The following MECOM variants were observed in gnomAD, a reference collection of about 807,000 sequenced individuals.
MECOM encodes MDS1 and EVI1 complex locus.
MECOM carries 13 observed loss-of-function variants against 116.3 expected under a neutral mutation model. The observed-to-expected ratio is 0.11, with a 90% CI of 0.07 to 0.18. The LOEUF (loss-of-function observed/expected upper bound fraction) is 0.18. Ranked by LOEUF, MECOM falls within the 10% of genes least tolerant of loss-of-function variation. The pLI, the probability that MECOM is intolerant of heterozygous loss-of-function variation, is 1.00. For missense variants in MECOM, 1,299 were observed against 1,509.0 expected (o/e 0.86, Z 2.31); for synonymous variants, 528 against 535.2 (o/e 0.99, Z 0.19).
At chr3:169,577,582 C>G (rs896319729) in intron 1 of MECOM, among the ~76,000 whole-genome samples, 2 of 151,900 alleles carry the variant, frequency 1.3e-5, no homozygotes, top group African/African-American at 4.8e-5. Context: ...AAAGACCAGA[C>G]TCATAGTGTT....
At chr3:169,137,279 T>C (rs1476497567) in intron 3 of MECOM, among the ~76,000 whole-genome samples, 3 of 152,084 alleles carry the variant, frequency 2.0e-5, no homozygotes, top group Non-Finnish European at 4.4e-5. Flanking sequence ...TGCAGAGAGG[T>C]GGCATCAAGT....
chr3:169,148,371 C>A (rs969255711), intron 2 of MECOM, among the ~76,000 whole-genome samples: 2 of 151,934 alleles, frequency 1.3e-5, no homozygotes, highest in Admixed American at 6.6e-5. Flanking sequence ...TTCTAATATA[C>A]CTTGGGTACA....
At chr3:169,092,574 C>T (rs1720089031) in intron 14 of MECOM, among the ~76,000 whole-genome samples, 1 of 151,976 alleles carries the variant, frequency 6.6e-6, no homozygotes, top group Non-Finnish European at 1.5e-5. Context: ...TTCTCTTCTA[C>T]TTCTGAAATT....
chr3:169,505,228 T>A, intron 1 of MECOM, among the ~76,000 whole-genome samples: 1 of 142,766 alleles, frequency 7.0e-6, no homozygotes, highest in East Asian at 2.0e-4. Flanking sequence ...TTATCCAAAG[T>A]ATATCATACC....
rs1434115763 is a variant in MECOM at position 169,263,131 on chromosome 3, T to G, written c.375+118056A>C. On this transcript the variant is annotated intron_variant, in intron 2 of 16. Transcript: ENST00000651503. ...TATATATATATATATATATATATGTTTTTTTTTTTTTTTTTGAGACAGAGT... is the reference window on the plus strand; with the variant it reads ...TATATATATATATATATATATATGTGTTTTTTTTTTTTTTTGAGACAGAGT... Among the ~76,000 whole-genome samples, 5 of 107,520 alleles carry G rather than the reference T, an allele frequency of 4.7e-5. No individual in the cohort carries two copies. The South Asian group carries it at 1.6e-3, about 34-fold the overall frequency. The allele number at this position is 107,520 out of a possible 152,430, so 70.5% of individuals were successfully genotyped here. A position where few individuals can be genotyped will look rare whatever the true frequency, so the allele number is the denominator to read the frequency against.
At chr3:169,258,174 C>A (rs1314254617) in intron 2 of MECOM, among the ~76,000 whole-genome samples, 3 of 151,910 alleles carry the variant, frequency 2.0e-5, no homozygotes, top group Non-Finnish European at 4.4e-5. Flanking sequence ...GAGCCAAGAT[C>A]GCGCCACTGC....
At chr3:169,484,878 C>CAACT (rs10645702) in intron 1 of MECOM, among the ~76,000 whole-genome samples, 139,902 of 152,172 alleles carry the variant, frequency 0.92, 64,410 homozygotes, top group African/African-American at 0.96. Flanking sequence ...AAGCAAGCAC[C>CAACT]GAGACTGATT....
At chr3:169,612,616 G>A (rs1769426394) in intron 1 of MECOM, among the ~76,000 whole-genome samples, 1 of 151,808 alleles carries the variant, frequency 6.6e-6, no homozygotes, top group Non-Finnish European at 1.5e-5. Context: ...GAAGCCTGGG[G>A]GCCCTTTTTT....
At chr3:169,216,054 G>T (rs936395780) in intron 2 of MECOM, among the ~76,000 whole-genome samples, 1 of 152,164 alleles carries the variant, frequency 6.6e-6, no homozygotes, top group African/African-American at 2.4e-5. Context: ...TTTAGCATTT[G>T]CCATGAGTCG....
At chr3:169,249,037 C>T (rs76324967) in intron 2 of MECOM, among the ~76,000 whole-genome samples, 2,584 of 152,280 alleles carry the variant, frequency 0.017, 40 homozygotes, top group Non-Finnish European at 0.021. Flanking sequence ...CACCCAAATG[C>T]CCTACCTTCC....
At chr3:169,599,559 T>C (rs998349360) in intron 1 of MECOM, among the ~76,000 whole-genome samples, 2 of 149,396 alleles carry the variant, frequency 1.3e-5, no homozygotes, top group African/African-American at 4.9e-5. Context: ...AAAAACTACA[T>C]AGTGAAAGTC....
intron 1 of MECOM, among the ~76,000 whole-genome samples, chr3:169,412,968 G>A (rs1173657804): frequency 6.6e-6 from 1 of 152,240 alleles, no homozygotes; most frequent in African/African-American, 2.4e-5. Context: ...GATAACACCA[G>A]TGACTTTAAC....
chr3:169,656,656 T>G (rs1442429580), intron 1 of MECOM, among the ~76,000 whole-genome samples: 1 of 152,234 alleles, frequency 6.6e-6, no homozygotes, highest in Non-Finnish European at 1.5e-5. Context: ...AGGGTTTGCA[T>G]GGGTTGATGG....
chr3:169,175,634 G>A (rs771729950), intron 2 of MECOM, among the ~76,000 whole-genome samples: 19 of 152,110 alleles, frequency 1.2e-4, no homozygotes, highest in Non-Finnish European at 2.1e-4. Context: ...CTGAAGAAAC[G>A]GAAAGGTCCC....
intron 2 of MECOM, among the ~76,000 whole-genome samples, chr3:169,331,587 T>C (rs892284420): frequency 1.3e-5 from 2 of 152,132 alleles, no homozygotes; most frequent in African/African-American, 4.8e-5. Context: ...GTTTCATAAG[T>C]GTCATAACAC....
At chr3:169,128,696 C>A (rs1185291264) in intron 4 of MECOM, among the ~76,000 whole-genome samples, 1 of 152,080 alleles carries the variant, frequency 6.6e-6, no homozygotes, top group Non-Finnish European at 1.5e-5. Flanking sequence ...TTTTTAGTAC[C>A]CTTCTAGGCT....
At chr3:169,234,011 T>C (rs1753726324) in intron 2 of MECOM, among the ~76,000 whole-genome samples, 1 of 152,200 alleles carries the variant, frequency 6.6e-6, no homozygotes, top group East Asian at 1.9e-4. Flanking sequence ...ACAATATGCC[T>C]GTTACATTTT....
chr3:169,202,045 G>A (rs113644600), intron 2 of MECOM, among the ~76,000 whole-genome samples: 1,745 of 152,060 alleles, frequency 0.011, 24 homozygotes, highest in African/African-American at 0.036. Flanking sequence ...TTTTATTGTT[G>A]ACAAGTGGTA....
intron 12 of MECOM, among the ~76,000 whole-genome samples, chr3:169,098,533 G>T (rs537582213): frequency 1.3e-5 from 2 of 152,222 alleles, no homozygotes; most frequent in South Asian, 4.1e-4. Flanking sequence ...TTCTGGCATT[G>T]TTAACCCTGA....
Sources: allele counts gnomAD v4.1 joint callset (sites outside exome capture counted in the v4.1 genomes callset), GRCh38; gene constraint gnomAD v4.1.1; transcripts MANE v1.5; gene names NCBI Gene and HGNC (gene_info 2026-07-23, HGNC 2026-07-21).